Variants in DGKG observed in about 807,000 individuals in gnomAD.
DGKG encodes diacylglycerol kinase gamma.
A neutral mutation model predicts 105.3 loss-of-function variants in DGKG; 78 were observed. The ratio of observed to expected loss-of-function variants is 0.74; its 90% CI spans 0.62 to 0.89. The LOEUF (loss-of-function observed/expected upper bound fraction) is 0.89. Among genes scored for constraint, DGKG ranks in the 40% least tolerant of loss-of-function variants. The pLI, the probability that DGKG is intolerant of heterozygous loss-of-function variation, is 0.00. For synonymous variants in DGKG, 346 were observed against 367.1 expected, an observed-to-expected ratio of 0.94 and a Z score of 0.66; for missense variants, 958 against 1,020.1, an observed-to-expected ratio of 0.94 and a Z score of 0.83.
At chr3:186,356,754 G>T (rs754751539) in intron 1 of DGKG, among the ~76,000 whole-genome samples, 1 of 152,154 alleles carries the variant, frequency 6.6e-6, no homozygotes, top group Non-Finnish European at 1.5e-5. Flanking sequence ...TGAAAAGGGC[G>T]TTGGCCAGGG....
At chr3:186,276,211 C>A (rs1029126752) in intron 9 of DGKG, among the ~76,000 whole-genome samples, 1 of 152,070 alleles carries the variant, frequency 6.6e-6, no homozygotes, top group Admixed American at 6.5e-5. Context: ...ATAGTACATC[C>A]GTCTGATGTA....
Position 186,313,275 on chromosome 3 carries a change from T to C in DGKG, c.68-6298A>G, listed in dbSNP as rs140950952. 3.0e-3 allele frequency among the ~76,000 whole-genome samples: 450 copies of C among 152,326 alleles called. 1 individual carries two copies. Among genetic ancestry groups the C allele is most frequent in the African/African-American group, 0.01 (424 of 41,576 alleles). Reference sequence around the variant, plus strand: ...AACATGAGCCGAGGCTGAGGACCACTGACATGTGGAAGTGATGGCTCTGAC... The same window carrying C: ...AACATGAGCCGAGGCTGAGGACCACCGACATGTGGAAGTGATGGCTCTGAC... On this transcript the variant is annotated intron_variant, in intron 2 of 24. Coordinates refer to ENST00000265022, the MANE Select transcript of DGKG (RefSeq NM_001346.3).
intron 21 of DGKG, among the ~76,000 whole-genome samples, chr3:186,199,166 A>G (rs914553327): frequency 1.3e-5 from 2 of 151,946 alleles, no homozygotes; most frequent in Admixed American, 6.6e-5. Flanking sequence ...GGCCAGGATT[A>G]TCTGGATCTC....
At chr3:186,291,743 C>T (rs757321905) in intron 5 of DGKG, among the ~76,000 whole-genome samples, 7 of 134,480 alleles carry the variant, frequency 5.2e-5, no homozygotes, top group East Asian at 2.5e-4. Context: ...GAAGGGTGGG[C>T]GGGTAAGGAG....
At position 186,297,343 on chromosome 3, in the gene DGKG, T is replaced by C. The variant is rs918963681; in HGVS notation, c.373+78A>G. 5 of 1,089,980 alleles carry C rather than the reference T, an allele frequency of 4.6e-6. No individual in the cohort carries two copies. The African/African-American group carries it at 7.7e-5, about 17-fold the overall frequency. 67.5% of individuals were successfully genotyped at this position (1,089,980 alleles called of 1,614,324 possible). A position where few individuals can be genotyped will look rare whatever the true frequency, so the allele number is the denominator to read the frequency against. On this transcript the variant is annotated intron_variant, in intron 5 of 24. Coordinates refer to ENST00000265022, the MANE Select transcript of DGKG (RefSeq NM_001346.3). ...CACAATTATATGAAGACAGCACTGT[T>C]GGTTAGGTTTCCCCACTTCTCCCCA...
At chr3:186,352,444 A>G (rs139205824) in intron 1 of DGKG, among the ~76,000 whole-genome samples, 12 of 152,192 alleles carry the variant, frequency 7.9e-5, no homozygotes, top group Non-Finnish European at 8.8e-5. Flanking sequence ...TTCACCCACC[A>G]CTTGCACTGA....
chr3:186,235,132 C>T (rs1720354052), intron 20 of DGKG, among the ~76,000 whole-genome samples: 1 of 152,078 alleles, frequency 6.6e-6, no homozygotes. Flanking sequence ...ATTTTTGTGG[C>T]TTAGTATATA....
At chr3:186,347,707 T>C (rs1296005221) in intron 1 of DGKG, among the ~76,000 whole-genome samples, 2 of 151,814 alleles carry the variant, frequency 1.3e-5, no homozygotes, top group Non-Finnish European at 2.9e-5. Context: ...CTCAGCCTCC[T>C]GAGTAGCTGG....
intron 16 of DGKG, among the ~76,000 whole-genome samples, chr3:186,259,652 G>A (rs765445761): frequency 6.6e-6 from 1 of 152,040 alleles, no homozygotes; most frequent in South Asian, 2.1e-4. Context: ...AAATGGCTGC[G>A]TGCTGGGCAA....
Position 186,148,961 on chromosome 3 carries a change from A to T in DGKG, c.*1129T>A, listed in dbSNP as rs866486828. 196 of 656,208 alleles carry T rather than the reference A, an allele frequency of 3.0e-4. No individual in the cohort carries two copies. The highest frequency in any genetic ancestry group is 1.6e-3 in the Middle Eastern group (2 of 1,264). 40.6% of individuals were successfully genotyped at this position (656,208 alleles called of 1,614,324 possible). A position where few individuals can be genotyped will look rare whatever the true frequency, so the allele number is the denominator to read the frequency against. ...AAAGTCCATCAGTAAATAAATATTTATATATATATATATATAAATATATAG... is the reference window on the plus strand; with the variant it reads ...AAAGTCCATCAGTAAATAAATATTTTTATATATATATATATAAATATATAG... On this transcript the variant is annotated 3_prime_UTR_variant, in exon 25 of 25. Coordinates refer to ENST00000265022, the MANE Select transcript of DGKG (RefSeq NM_001346.3).
intron 1 of DGKG, among the ~76,000 whole-genome samples, chr3:186,347,407 C>A (rs1726395124): frequency 6.9e-6 from 1 of 145,762 alleles, no homozygotes; most frequent in Non-Finnish European, 1.5e-5. Context: ...GAGACCACAG[C>A]CGCTGCACTC....
chr3:186,194,346 A>G lies in DGKG; in HGVS notation c.1918-5967T>C, dbSNP rs371624785. 1.2e-4 allele frequency among the ~76,000 whole-genome samples: 19 copies of G among 152,338 alleles called. No individual in the cohort carries two copies. In the East Asian group the frequency reaches 3.5e-3, roughly 28 times the overall value. On this transcript the variant is annotated intron_variant, in intron 21 of 24. Transcript: ENST00000265022. ...GCCGCCGACTTCTCCGCCCTCGCCA[A>G]GAGGGACCCGGAGCACCGAAGCTTC...
Position 186,251,985 on chromosome 3 carries a change from A to C in DGKG, c.1601-66T>G. ...GCTGTATTCTTGCTAATGCACAGGT[A>C]GTTGTCAGGGCAGGTAAGCCCAGGG... On this transcript the variant is annotated intron_variant, in intron 18 of 24. Coordinates refer to ENST00000265022, the MANE Select transcript of DGKG (RefSeq NM_001346.3). The C allele has an allele frequency of 2.7e-6, 4 of 1,467,898 alleles. No homozygotes were observed. In the South Asian group the frequency reaches 5.5e-5, roughly 20 times the overall value. The allele number at this position is 1,467,898 out of a possible 1,614,324, so 90.9% of individuals were successfully genotyped here.
intron 1 of DGKG, among the ~76,000 whole-genome samples, chr3:186,347,018 C>T (rs1726367055): frequency 2.6e-5 from 4 of 151,952 alleles, no homozygotes; most frequent in Admixed American, 1.3e-4. Context: ...ATACTAATAT[C>T]ACCCTCCTTT....
intron 21 of DGKG, 79 bp from the exon 22 acceptor site, chr3:186,188,458 G>C (rs56840967): frequency 4.9e-6 from 1 of 205,224 alleles, no homozygotes; most frequent in African/African-American, 2.3e-5. Flanking sequence ...GTGTGCGTGC[G>C]TGTGTGTGTG....
intron 24 of DGKG, among the ~76,000 whole-genome samples, chr3:186,154,148 G>A (rs1317725980): frequency 6.6e-6 from 1 of 152,172 alleles, no homozygotes; most frequent in African/African-American, 2.4e-5. Flanking sequence ...GCTGTAATTT[G>A]AACTGGAGAT....
At chr3:186,197,299 A>C (rs532045555) in intron 21 of DGKG, among the ~76,000 whole-genome samples, 51 of 152,154 alleles carry the variant, frequency 3.4e-4, no homozygotes, top group Non-Finnish European at 5.7e-4. Context: ...TGATGGGCTG[A>C]GAGGGGCATG....
intron 22 of DGKG, among the ~76,000 whole-genome samples, chr3:186,172,181 C>G (rs1578618528): frequency 6.6e-6 from 1 of 152,202 alleles, no homozygotes; most frequent in East Asian, 1.9e-4. Context: ...AAAATTCAAT[C>G]AATCATTTAA....
At chr3:186,306,111 T>C (rs908657959) in intron 3 of DGKG, among the ~76,000 whole-genome samples, 2 of 152,192 alleles carry the variant, frequency 1.3e-5, no homozygotes, top group Non-Finnish European at 2.9e-5. Flanking sequence ...CTTGGCTATC[T>C]TGACTAGTGA....
Sources: allele counts gnomAD v4.1 joint callset (sites outside exome capture counted in the v4.1 genomes callset), GRCh38; gene constraint gnomAD v4.1.1; transcripts MANE v1.5; gene names NCBI Gene and HGNC (gene_info 2026-07-23, HGNC 2026-07-21).